PRDM16: variants seen among roughly 807,000 people sequenced by gnomAD.
The protein encoded by PRDM16 is PR/SET domain 16, also known as histone-lysine N-methyltransferase PRDM16.
In PRDM16, 23 loss-of-function variants were observed where a neutral mutation model predicts 110.6. The ratio of observed to expected loss-of-function variants is 0.21; its 90% CI spans 0.15 to 0.29. PRDM16 has a LOEUF of 0.29. PRDM16 is among the 10% of genes least tolerant of loss of function. The pLI, the probability that PRDM16 is intolerant of heterozygous loss-of-function variation, is 1.00. For synonymous variants in PRDM16, 799 were observed against 781.8 expected (o/e 1.02, Z -0.37); for missense variants, 1,615 against 1,794.3 (o/e 0.90, Z 1.81).
At chr1:3,404,248 T>C (rs1204821836) in intron 6 of PRDM16, among the ~76,000 whole-genome samples, 2 of 152,186 alleles carry the variant, frequency 1.3e-5, no homozygotes, top group African/African-American at 4.8e-5. Flanking sequence ...GCAGCTGTGC[T>C]CGGGTCCCCT....
rs565164265 is a variant in PRDM16, at chr1:3,148,359, C to A, written c.38-37766C>A. 6.6e-6 allele frequency among the ~76,000 whole-genome samples: 1 copy of A among 152,228 alleles called. No individual in the cohort carries two copies. The highest frequency in any genetic ancestry group is 2.4e-5 in the African/African-American group (1 of 41,542). ...GTCCCTCACCAGGCAGCCCTGCAAA[C>A]CCAGGAGCCAGGAGCTGCAGGAGGG... is the stretch of plus-strand genomic sequence containing the variant. On this transcript the variant is annotated intron_variant, in intron 1 of 16. Coordinates refer to ENST00000270722, the MANE Select transcript of PRDM16 (RefSeq NM_022114.4). This position sits in a 1 kb window ranked among gnomAD's most constrained non-coding sequence, Gnocchi z 5.0.
At chr1:3,093,421 C>T (rs888348348) in intron 1 of PRDM16, among the ~76,000 whole-genome samples, 1 of 152,206 alleles carries the variant, frequency 6.6e-6, no homozygotes, top group African/African-American at 2.4e-5. Context: ...AAACCATCTG[C>T]CCATGAAGAG....
chr1:3,120,393 G>T (rs549925195), intron 1 of PRDM16, among the ~76,000 whole-genome samples: 2 of 152,172 alleles, frequency 1.3e-5, no homozygotes, highest in African/African-American at 4.8e-5. Flanking sequence ...CCCAAGGCCC[G>T]GTGACAAACA....
intron 3 of PRDM16, among the ~76,000 whole-genome samples, chr1:3,303,647 C>T (rs1481845112): frequency 6.6e-6 from 1 of 152,236 alleles, no homozygotes; most frequent in Non-Finnish European, 1.5e-5. Flanking sequence ...AGACTGTTCT[C>T]CATGGCGGCT....
intron 1 of PRDM16, among the ~76,000 whole-genome samples, chr1:3,181,327 T>C (rs1377324594): frequency 9.0e-6 from 1 of 110,834 alleles, no homozygotes; most frequent in Non-Finnish European, 1.8e-5. Context: ...CACGCAATCT[T>C]ACACAAGCAG....
chr1:3,069,324 C>CCGGGGCCCGG lies in PRDM16; in HGVS notation c.37+28_37+29insCGGGGCCCGG. ...AAGTCTCCCGCGCTCGGCCGCGCCG[C>CCGGGGCCCGG]GCCGCCGGGGCCCGGGCCGCCGGGC... On this transcript the variant is annotated intron_variant, in intron 1 of 16. Coordinates refer to ENST00000270722, the MANE Select transcript of PRDM16 (RefSeq NM_022114.4). The surrounding 1 kb of genome is among the most constrained non-coding windows in gnomAD (Gnocchi z 6.1). The CCGGGGCCCGG allele has an allele frequency of 8.1e-7, 1 of 1,231,240 alleles. No individual in the cohort carries two copies. The highest frequency in any genetic ancestry group is 1.0e-6 in the Non-Finnish European group (1 of 959,086). 76.3% of individuals were successfully genotyped at this position (1,231,240 alleles called of 1,614,324 possible).
Position 3,212,699 on chromosome 1 carries a change from G to GCGGTCCTCCCGCTCATCCT in PRDM16, c.387+26226_387+26227insGGTCCTCCCGCTCATCCTC, listed in dbSNP as rs1569855056. On this transcript the variant is annotated intron_variant, in intron 2 of 16. Transcript: ENST00000270722. Reference sequence around the variant, plus strand: ...CGGCCCCCTCGCTGCGGTCCTCTCTGCCACTGTGGATGGGCTTCACACAAA... The same window carrying GCGGTCCTCCCGCTCATCCT: ...CGGCCCCCTCGCTGCGGTCCTCTCTGCGGTCCTCCCGCTCATCCTCCACTGTGGATGGGCTTCACACAAA... 6.7e-5 allele frequency among the ~76,000 whole-genome samples: 5 copies of GCGGTCCTCCCGCTCATCCT among 75,080 alleles called. No homozygotes were observed. The African/African-American group carries it at 9.1e-4, about 14-fold the overall frequency. 49.3% of individuals were successfully genotyped at this position (75,080 alleles called of 152,430 possible).
chr1:3,331,666 G>A (rs374381086), intron 3 of PRDM16, among the ~76,000 whole-genome samples: 14 of 152,306 alleles, frequency 9.2e-5, no homozygotes, highest in African/African-American at 3.4e-4. Flanking sequence ...CAGGGCCGCT[G>A]ACAGCCCCTT....
At chr1:3,161,059 C>G (rs1643892978) in intron 1 of PRDM16, among the ~76,000 whole-genome samples, 1 of 152,126 alleles carries the variant, frequency 6.6e-6, no homozygotes, top group African/African-American at 2.4e-5. Flanking sequence ...AGGCAGGAGC[C>G]GGGAGGGGAC....
At chr1:3,141,201 A>C (rs1000890601) in intron 1 of PRDM16, among the ~76,000 whole-genome samples, 1 of 152,160 alleles carries the variant, frequency 6.6e-6, no homozygotes, top group Admixed American at 6.5e-5. Context: ...CTCATCCCTG[A>C]TATTTAGACT....
chr1:3,415,561 C>T (rs1412098846), intron 10 of PRDM16, among the ~76,000 whole-genome samples: 6 of 152,248 alleles, frequency 3.9e-5, no homozygotes, highest in Non-Finnish European at 8.8e-5. Context: ...TGATTTTCCT[C>T]GGGATGGGCT....
chr1:3,365,630 G>T (rs1342132316), intron 3 of PRDM16, among the ~76,000 whole-genome samples: 1 of 152,218 alleles, frequency 6.6e-6, no homozygotes, highest in African/African-American at 2.4e-5. Context: ...GCAGCCAGCG[G>T]CCCTGAATGT....
At chr1:3,203,522 G>A (rs1638680046) in intron 2 of PRDM16, among the ~76,000 whole-genome samples, 1 of 151,932 alleles carries the variant, frequency 6.6e-6, no homozygotes, top group African/African-American at 2.4e-5. Flanking sequence ...AGCCCCTGAT[G>A]GAGGTGTTGG....
intron 1 of PRDM16, among the ~76,000 whole-genome samples, chr1:3,141,942 C>T (rs956743286): frequency 6.6e-6 from 1 of 152,268 alleles, no homozygotes; most frequent in Non-Finnish European, 1.5e-5. Flanking sequence ...TTCTGGCCCT[C>T]AGGCCTGCCT....
intron 1 of PRDM16, among the ~76,000 whole-genome samples, chr1:3,082,929 G>A (rs1236928055): frequency 6.6e-6 from 1 of 152,294 alleles, no homozygotes; most frequent in South Asian, 2.1e-4. Context: ...CAGGATGCTC[G>A]GCCCTCCTGA....
chr1:3,425,838 C>T lies in PRDM16; in HGVS notation c.3109+88C>T. 1 of 1,523,346 alleles carries T rather than the reference C, an allele frequency of 6.6e-7. No homozygotes were observed. The highest frequency in any genetic ancestry group is 9.0e-7 in the Non-Finnish European group (1 of 1,115,802). 94.4% of individuals were successfully genotyped at this position (1,523,346 alleles called of 1,614,324 possible). A position where few individuals can be genotyped will look rare whatever the true frequency, so the allele number is the denominator to read the frequency against. ...AGGGGGAACAGCAGGGGAGTGGGCG[C>T]CGGGCAGGGAAGAGGGCCACAGACT... On this transcript the variant is annotated intron_variant, in intron 13 of 16. Coordinates refer to ENST00000270722, the MANE Select transcript of PRDM16 (RefSeq NM_022114.4). This position sits in a 1 kb window ranked among gnomAD's most constrained non-coding sequence, Gnocchi z 6.9.
At chr1:3,272,277 C>T (rs752732258) in intron 3 of PRDM16, among the ~76,000 whole-genome samples, 3 of 152,186 alleles carry the variant, frequency 2.0e-5, no homozygotes, top group African/African-American at 4.8e-5. Flanking sequence ...TGTAGTCGGG[C>T]GCTTTAAGGC....
intron 4 of PRDM16, chr1:3,394,490 A>T (rs776593188): frequency 3.5e-5 from 2 of 56,896 alleles, no homozygotes; most frequent in South Asian, 7.2e-5. Context: ...GTGGAGAGGG[A>T]GGTGGTGGGT....
At chr1:3,408,733 CGT>C (rs1643608291) in intron 8 of PRDM16, among the ~76,000 whole-genome samples, 1 of 131,736 alleles carries the variant, frequency 7.6e-6, no homozygotes, top group Non-Finnish European at 1.5e-5. Flanking sequence ...AGTGTGGGCG[CGT>C]GAGCCGGTGC....
Sources: allele counts gnomAD v4.1 joint callset (sites outside exome capture counted in the v4.1 genomes callset), GRCh38; gene constraint gnomAD v4.1.1; non-coding constraint Gnocchi (gnomAD v3.1); transcripts MANE v1.5; gene names NCBI Gene and HGNC (gene_info 2026-07-23, HGNC 2026-07-21).